The following PARP8 variants were observed in gnomAD, a reference collection of about 807,000 sequenced individuals.
PARP8 encodes poly(ADP-ribose) polymerase family member 8.
A neutral mutation model predicts 124.1 loss-of-function variants in PARP8; 51 were observed. That is an observed-to-expected ratio of 0.41 (90% CI 0.33 to 0.52). The LOEUF (loss-of-function observed/expected upper bound fraction) is 0.52. Ranked by LOEUF, PARP8 falls within the 20% of genes least tolerant of loss-of-function variation. The probability of loss-of-function intolerance (pLI) is 0.21; values close to 1 mark genes in which losing one functional copy is unlikely to be tolerated. For synonymous variants in PARP8, 391 were observed against 361.5 expected, an observed-to-expected ratio of 1.08 and a Z score of -0.93; for missense variants, 860 against 1,018.9, an observed-to-expected ratio of 0.84 and a Z score of 2.12.
chr5:50,692,996 TATG>T (rs1326783978), intron 2 of PARP8, among the ~76,000 whole-genome samples: 1 of 152,200 alleles, frequency 6.6e-6, no homozygotes, highest in Non-Finnish European at 1.5e-5. Context: ...TTAAAATTTT[TATG>T]ATAAGGGTGT....
chr5:50,681,290 T>C (rs1751262275), intron 2 of PARP8, among the ~76,000 whole-genome samples: 1 of 152,090 alleles, frequency 6.6e-6, no homozygotes, highest in South Asian at 2.1e-4. Context: ...TATCTGAAGA[T>C]TTTTTTGGCC....
intron 2 of PARP8, among the ~76,000 whole-genome samples, chr5:50,702,814 C>A (rs1339731275): frequency 1.3e-5 from 2 of 152,128 alleles, no homozygotes; most frequent in Non-Finnish European, 2.9e-5. Flanking sequence ...ACGTCCGTTA[C>A]ACAGAAGAGG....
intron 2 of PARP8, among the ~76,000 whole-genome samples, chr5:50,678,687 C>A (rs1750924205): frequency 6.6e-6 from 1 of 152,088 alleles, no homozygotes; most frequent in South Asian, 2.1e-4. Context: ...CTACTCTTAC[C>A]AGATAGAATT....
intron 25 of PARP8, among the ~76,000 whole-genome samples, chr5:50,837,067 A>C (rs1051988426): frequency 6.6e-6 from 1 of 152,158 alleles, no homozygotes; most frequent in African/African-American, 2.4e-5. Flanking sequence ...AGGGATGTAC[A>C]TGTTGCGGGG....
chr5:50,738,072 A>G (rs906644136), intron 2 of PARP8, among the ~76,000 whole-genome samples: 2 of 152,206 alleles, frequency 1.3e-5, no homozygotes, highest in African/African-American at 2.4e-5. Flanking sequence ...AAGTATTACT[A>G]TTGCCCTCGT....
intron 14 of PARP8, among the ~76,000 whole-genome samples, chr5:50,801,249 A>G (rs1364532482): frequency 6.6e-6 from 1 of 151,926 alleles, no homozygotes; most frequent in Non-Finnish European, 1.5e-5. Flanking sequence ...ACAGGCATGC[A>G]CCACCACACC....
In PARP8 at chr5:50,794,241, C is replaced by A; in HGVS notation, c.772C>A (p.Gln258Lys). 1.2e-6 allele frequency: 2 copies of A among 1,613,200 alleles called. No individual in the cohort carries two copies. Among genetic ancestry groups the A allele is most frequent in the African/African-American group, 1.3e-5 (1 of 74,978 alleles). Residue 258 changes from glutamine to lysine, a missense_variant, in exon 11 of 26, where the codon CAG becomes AAG. By Grantham distance (53) the Gln-to-Lys change is moderately conservative. This residue lies in a region of PARP8 where 517 missense variants were observed against 544.2 expected (regional missense o/e 0.95). Transcript: ENST00000281631. ...GACATTTGTTACACAGCAGTGGAAA[C>A]AGAGCAAAGAAAAATCCAATTGCCT... ...MQTFVTQQWK[Q>K]SKEKSNCLHN... is the part of the protein sequence containing the mutation.
At chr5:50,760,197 T>A (rs1760406046) in intron 4 of PARP8, 95 bp from the exon 5 acceptor site, 5 of 1,061,708 alleles carry the variant, frequency 4.7e-6, no homozygotes, top group African/African-American at 1.7e-5. Flanking sequence ...GGAGATGGAA[T>A]CACCTAAAGG....
At chr5:50,729,557 G>A (rs919752427) in intron 2 of PARP8, among the ~76,000 whole-genome samples, 2 of 152,072 alleles carry the variant, frequency 1.3e-5, no homozygotes, top group African/African-American at 2.4e-5. Flanking sequence ...ACAGATAGAT[G>A]GTCCATTTTG....
intron 2 of PARP8, among the ~76,000 whole-genome samples, chr5:50,725,992 A>G (rs928298950): frequency 2.0e-5 from 3 of 152,156 alleles, no homozygotes; most frequent in Non-Finnish European, 4.4e-5. Context: ...GTTTATGGTT[A>G]TGCTACCTAC....
intron 23 of PARP8, among the ~76,000 whole-genome samples, 185 bp from the exon 24 acceptor site, chr5:50,833,791 AATG>A (rs1237792147): frequency 6.6e-6 from 1 of 152,116 alleles, no homozygotes; most frequent in Non-Finnish European, 1.5e-5. Flanking sequence ...ATAATTTAGT[AATG>A]ATGATGTACA....
chr5:50,833,952 TAA>T, intron 23 of PARP8, 25 bp from the exon 24 acceptor site: 1 of 1,593,128 alleles, frequency 6.3e-7, no homozygotes, highest in East Asian at 2.2e-5. Context: ...ATTCTGACTC[TAA>T]GTTTTAATTG....
chr5:50,782,112 C>T (rs1392581889), intron 9 of PARP8, among the ~76,000 whole-genome samples: 2 of 152,156 alleles, frequency 1.3e-5, no homozygotes, highest in Non-Finnish European at 2.9e-5. Flanking sequence ...GGTTCATTTG[C>T]TCCCTATTTT....
At chr5:50,733,128 C>T (rs1463831716) in intron 2 of PARP8, among the ~76,000 whole-genome samples, 1 of 151,444 alleles carries the variant, frequency 6.6e-6, no homozygotes, top group Non-Finnish European at 1.5e-5. Context: ...ATGGTGAAAC[C>T]CAGTCTTTAC....
At chr5:50,812,914 T>C (rs1744631056) in intron 14 of PARP8, among the ~76,000 whole-genome samples, 2 of 152,050 alleles carry the variant, frequency 1.3e-5, no homozygotes, top group South Asian at 2.1e-4. Context: ...AGATGTGTGG[T>C]ATTATTTCTG....
chr5:50,754,794 C>T (rs1759729193), intron 3 of PARP8, among the ~76,000 whole-genome samples: 1 of 152,136 alleles, frequency 6.6e-6, no homozygotes, highest in African/African-American at 2.4e-5. Flanking sequence ...GTTTACAGTC[C>T]CACCAACAGT....
chr5:50,697,926 G>T (rs1181704091), intron 2 of PARP8, among the ~76,000 whole-genome samples: 2 of 152,184 alleles, frequency 1.3e-5, no homozygotes, highest in Admixed American at 6.5e-5. Flanking sequence ...TGCTGGTCCA[G>T]TGGCACCACT....
chr5:50,832,520 T>G (rs1173893744), intron 22 of PARP8, among the ~76,000 whole-genome samples: 1 of 151,936 alleles, frequency 6.6e-6, no homozygotes, highest in Non-Finnish European at 1.5e-5. Flanking sequence ...AAATCAAGTT[T>G]TAAGAATTTT....
chr5:50,799,055 A>C (rs1742894160), intron 14 of PARP8, among the ~76,000 whole-genome samples: 1 of 152,120 alleles, frequency 6.6e-6, no homozygotes, highest in Non-Finnish European at 1.5e-5. Flanking sequence ...TCTTTGACAC[A>C]CACAAGTTTT....
Sources: gnomAD v4.1 joint callset for allele counts (sites outside exome capture counted in the v4.1 genomes callset) on GRCh38, gnomAD v4.1.1 for gene constraint, gnomAD v4.1.1 regional missense constraint, MANE v1.5 for transcripts, NCBI Gene and HGNC (gene_info 2026-07-23, HGNC 2026-07-21) for gene names.